Variants in NALF1 observed in about 807,000 individuals in gnomAD.
NALF1 encodes family with sequence similarity 155 member A.
A neutral mutation model predicts 48.4 loss-of-function variants in NALF1; 3 were observed. The ratio of observed to expected loss-of-function variants is 0.06; its 90% CI spans 0.03 to 0.16. The LOEUF (loss-of-function observed/expected upper bound fraction) is 0.16. Among genes scored for constraint, NALF1 ranks in the 10% least tolerant of loss-of-function variants. The pLI is 1.00. For missense variants in NALF1, 526 were observed against 571.5 expected, an observed-to-expected ratio of 0.92 and a Z score of 0.81; for synonymous variants, 262 against 245.7, an observed-to-expected ratio of 1.07 and a Z score of -0.62.
At chr13:107,568,959 C>G (rs912399127) in intron 1 of NALF1, among the ~76,000 whole-genome samples, 3 of 152,154 alleles carry the variant, frequency 2.0e-5, no homozygotes, top group African/African-American at 7.2e-5. Flanking sequence ...AAGTTTTCCT[C>G]TATGGATTAT....
chr13:107,260,973 G>A (rs532935488), intron 1 of NALF1, among the ~76,000 whole-genome samples: 192 of 152,112 alleles, frequency 1.3e-3, no homozygotes, highest in African/African-American at 4.3e-3. Flanking sequence ...GTCACATTTC[G>A]AAGATGGTTA....
At chr13:107,430,289 CTTT>C (rs66808641) in intron 1 of NALF1, among the ~76,000 whole-genome samples, 4 of 150,056 alleles carry the variant, frequency 2.7e-5, no homozygotes, top group African/African-American at 9.8e-5. Context: ...AATATTTTAA[CTTT>C]TTTTTTTATT....
intron 1 of NALF1, among the ~76,000 whole-genome samples, chr13:107,213,655 T>C (rs1879814156): frequency 6.6e-6 from 1 of 152,054 alleles, no homozygotes; most frequent in Admixed American, 6.6e-5. Context: ...TCTGTGTAGA[T>C]GTGTTTACAA....
intron 1 of NALF1, among the ~76,000 whole-genome samples, chr13:107,679,815 C>T (rs1459587926): frequency 1.3e-5 from 2 of 152,228 alleles, no homozygotes; most frequent in African/African-American, 4.8e-5. Flanking sequence ...ACTCCATTCC[C>T]AGGTGTCTCC....
intron 1 of NALF1, among the ~76,000 whole-genome samples, chr13:107,520,122 C>A (rs1190421098): frequency 6.6e-6 from 1 of 152,066 alleles, no homozygotes; most frequent in Non-Finnish European, 1.5e-5. Context: ...CACAGAAATT[C>A]ATTTGTACTA....
At chr13:107,813,541 AATTATT>A (rs974050553) in intron 1 of NALF1, among the ~76,000 whole-genome samples, 2 of 152,082 alleles carry the variant, frequency 1.3e-5, no homozygotes, top group Non-Finnish European at 2.9e-5. Flanking sequence ...ATTTATTACA[AATTATT>A]ATTATATTAC....
Position 107,345,599 on chromosome 13 carries a change from T to G in NALF1, c.916-134844A>C, listed in dbSNP as rs151003353. ...AAATTGTACTGGGAAAACTGGATGATCAAGAACCCTTATCTTACACCATAT... is the reference window on the plus strand; with the variant it reads ...AAATTGTACTGGGAAAACTGGATGAGCAAGAACCCTTATCTTACACCATAT... On this transcript the variant is annotated intron_variant, in intron 1 of 2. Transcript: ENST00000375915. Among the ~76,000 whole-genome samples the G allele has an allele frequency of 3.0e-3, 452 of 152,222 alleles. 2 individuals carry two copies. Among genetic ancestry groups the G allele is most frequent in the African/African-American group, 0.01 (420 of 41,520 alleles).
rs9559072 is a variant in NALF1, at chr13:107,583,782, G to A, written c.915+281900C>T. Among the ~76,000 whole-genome samples the A allele has an allele frequency of 0.021, 3,121 of 152,056 alleles. 212 individuals are homozygous for A. The East Asian group carries it at 0.26, about 13-fold the overall frequency. On this transcript the variant is annotated intron_variant, in intron 1 of 2. Coordinates refer to ENST00000375915, the MANE Select transcript of NALF1 (RefSeq NM_001080396.3). ...TTTGAAAGGGGTACAAATTTTCAAA[G>A]CAATATGTGTCTCCAAGAGTTACTG...
intron 1 of NALF1, among the ~76,000 whole-genome samples, chr13:107,495,991 A>T (rs1333422061): frequency 6.6e-6 from 1 of 152,126 alleles, no homozygotes; most frequent in Non-Finnish European, 1.5e-5. Context: ...TATGAAAAAA[A>T]CTCATAAAAT....
intron 1 of NALF1, among the ~76,000 whole-genome samples, chr13:107,488,174 A>G (rs894314009): frequency 6.7e-6 from 1 of 149,218 alleles, no homozygotes; most frequent in Admixed American, 6.7e-5. Flanking sequence ...TTATTAGTAT[A>G]GCTAGTGGTC....
At position 107,234,811 on chromosome 13, in the gene NALF1, T is replaced by C. The variant is rs1220564018; in HGVS notation, c.916-24056A>G. Among the ~76,000 whole-genome samples the C allele has an allele frequency of 2.0e-5, 3 of 152,222 alleles. No homozygotes were observed. The South Asian group carries it at 6.2e-4, about 31-fold the overall frequency. On this transcript the variant is annotated intron_variant, in intron 1 of 2. Transcript: ENST00000375915. ...TTCCAATATGGTTATACTTAAGAAC[T>C]GGCCTATGACATCTCTATTTTTGGT...
chr13:107,726,600 AGG>A (rs1311309171), intron 1 of NALF1, among the ~76,000 whole-genome samples: 1 of 140,378 alleles, frequency 7.1e-6, no homozygotes, highest in Non-Finnish European at 1.5e-5. Context: ...TGCTATGTAA[AGG>A]CAAATTCTTT....
intron 1 of NALF1, among the ~76,000 whole-genome samples, chr13:107,512,780 T>G (rs1044610458): frequency 6.6e-6 from 1 of 152,128 alleles, no homozygotes; most frequent in Non-Finnish European, 1.5e-5. Context: ...AACTCCAGAG[T>G]GTTGCCATGG....
chr13:107,211,465 C>G (rs1256015815), intron 1 of NALF1, among the ~76,000 whole-genome samples: 1 of 152,184 alleles, frequency 6.6e-6, no homozygotes, highest in Non-Finnish European at 1.5e-5. Flanking sequence ...ATGTTTGCTA[C>G]GTATTTATGT....
intron 1 of NALF1, among the ~76,000 whole-genome samples, chr13:107,683,485 T>G (rs934143854): frequency 3.3e-5 from 5 of 152,202 alleles, no homozygotes; most frequent in Admixed American, 6.5e-5. Context: ...GTGATTAGAA[T>G]CTACATGTAA....
At chr13:107,178,184 A>G (rs906434211) in intron 2 of NALF1, among the ~76,000 whole-genome samples, 3 of 152,264 alleles carry the variant, frequency 2.0e-5, no homozygotes, top group African/African-American at 7.2e-5. Context: ...ACAGGCAACC[A>G]AAGCAAAAAT....
chr13:107,312,823 A>G (rs1229402843), intron 1 of NALF1, among the ~76,000 whole-genome samples: 5 of 152,192 alleles, frequency 3.3e-5, no homozygotes, highest in African/African-American at 1.2e-4. Context: ...GTACTATGGA[A>G]AAATGTGAAA....
intron 1 of NALF1, among the ~76,000 whole-genome samples, chr13:107,459,449 C>T (rs887817044): frequency 5.3e-5 from 8 of 151,912 alleles, no homozygotes; most frequent in Non-Finnish European, 1.0e-4. Context: ...CCTTTCTCAG[C>T]CTTAGAAGAC....
chr13:107,338,030 T>C (rs1882592875), intron 1 of NALF1, among the ~76,000 whole-genome samples: 1 of 152,234 alleles, frequency 6.6e-6, no homozygotes, highest in African/African-American at 2.4e-5. Flanking sequence ...CAAAGTGTCA[T>C]ATTTCATCCA....
Sources: gnomAD v4.1 joint callset for allele counts (sites outside exome capture counted in the v4.1 genomes callset) on GRCh38, gnomAD v4.1.1 for gene constraint, MANE v1.5 for transcripts, NCBI Gene and HGNC (gene_info 2026-07-23, HGNC 2026-07-21) for gene names.